PCBD1: variants seen among roughly 807,000 people sequenced by gnomAD.
PCBD1 encodes the protein pterin-4 alpha-carbinolamine dehydratase 1.
In PCBD1, 16 loss-of-function variants were observed where a neutral mutation model predicts 12.6. That is an observed-to-expected ratio of 1.27 (90% CI 0.86 to 1.93). PCBD1 has a LOEUF of 1.93. Ranked by LOEUF, PCBD1 falls within the 30% of genes most tolerant of loss-of-function variation. The pLI, the probability that PCBD1 is intolerant of heterozygous loss-of-function variation, is 0.00. For synonymous variants in PCBD1, 53 were observed against 50.2 expected, an observed-to-expected ratio of 1.05 and a Z score of -0.23; for missense variants, 86 against 130.1, an observed-to-expected ratio of 0.66 and a Z score of 1.65.
At chr10:70,886,802 T>C (rs566025770) in intron 1 of PCBD1, among the ~76,000 whole-genome samples, 34 of 152,200 alleles carry the variant, frequency 2.2e-4, no homozygotes, top group Non-Finnish European at 5.0e-4. Context: ...ATGTGCGAAG[T>C]GCCCTCAAGG....
intron 1 of PCBD1, among the ~76,000 whole-genome samples, chr10:70,887,498 G>A (rs1254676660): frequency 1.3e-5 from 2 of 152,056 alleles, no homozygotes; most frequent in African/African-American, 4.8e-5. Context: ...CGCCTGGTCC[G>A]TGTATCTAGA....
Position 70,884,539 on chromosome 10 carries a change from T to C in PCBD1, c.217-491A>G, listed in dbSNP as rs574606847. The stretch of plus-strand genomic sequence containing the variant: ...CTCTGTCTCCCAGGCTGGAGTGCAG[T>C]GGCTCAATCTCTGCTCACTGCAAGC... On this transcript the variant is annotated intron_variant, in intron 3 of 3. Coordinates refer to ENST00000299299, the MANE Select transcript of PCBD1 (RefSeq NM_000281.4). 2.1e-5 allele frequency among the ~76,000 whole-genome samples: 3 copies of C among 139,912 alleles called. No individual in the cohort carries two copies. The South Asian group carries it at 6.9e-4, about 32-fold the overall frequency. The allele number at this position is 139,912 out of a possible 152,430, so 91.8% of individuals were successfully genotyped here. A position where few individuals can be genotyped will look rare whatever the true frequency, so the allele number is the denominator to read the frequency against.
In PCBD1 at chr10:70,884,006, C is replaced by G; in HGVS notation, c.259G>C (p.Glu87Gln). Residue 87 changes from glutamate to glutamine, a missense_variant, in exon 4 of 4, where the codon GAA becomes CAA. Coordinates refer to ENST00000299299, the MANE Select transcript of PCBD1 (RefSeq NM_000281.4). The part of the protein sequence containing the change: ...LSTHECAGLS[E>Q]RDINLASFIE... ...AAGCTGGCCAGGTTTATGTCCCGTT[C>G]TGAAAGGCCGGCACACTCATGGGTG... 1.9e-6 allele frequency: 3 copies of G among 1,614,126 alleles called. No individual in the cohort carries two copies. Among genetic ancestry groups the G allele is most frequent in the Non-Finnish European group, 2.5e-6 (3 of 1,180,008 alleles).
At chr10:70,882,492 A>C (rs115341023), downstream of PCBD1, 95 of 152,230 alleles carry the variant, frequency 6.2e-4, no homozygotes, top group African/African-American at 2.2e-3. Context: ...AGACCTAAGG[A>C]GAGTGGATGT....
At chr10:70,886,021 C>T in intron 1 of PCBD1, 92 bp from the exon 2 acceptor site, 2 of 1,530,702 alleles carry the variant, frequency 1.3e-6, no homozygotes, top group Admixed American at 1.8e-5. Context: ...TTAGCTTCCA[C>T]TGGCTGCTTT....
Position 70,883,869 on chromosome 10 carries a change from T to G in PCBD1, c.*81A>C, listed in dbSNP as rs916502796. 4 of 1,551,262 alleles carry G rather than the reference T, an allele frequency of 2.6e-6. No homozygotes were observed. The stretch of plus-strand genomic sequence containing the variant: ...TCTTGGGAGGGGAGTGGTGGGAGGG[T>G]AAGGGCTCCTCAGCTCCCTCCCTGG... On this transcript the variant is annotated 3_prime_UTR_variant, in exon 4 of 4. Coordinates refer to ENST00000299299, the MANE Select transcript of PCBD1 (RefSeq NM_000281.4).
rs770900704 is a variant in PCBD1 at position 70,885,977 on chromosome 10, G to T, written c.4-48C>A. 3.7e-6 allele frequency: 6 copies of T among 1,605,728 alleles called. No homozygotes were observed. In the South Asian group the frequency reaches 4.4e-5, roughly 12 times the overall value. ...GGCCCAAGGGCATTTCTCTTTATAG[G>T]TCAAAACAGAGGGGCTCCAACCTTT... On this transcript the variant is annotated intron_variant, in intron 1 of 3. Transcript: ENST00000299299.
At chr10:70,883,088 G>C (rs1846523982), downstream of PCBD1, among the ~76,000 whole-genome samples, 1 of 152,070 alleles carries the variant, frequency 6.6e-6, no homozygotes, top group Non-Finnish European at 1.5e-5. Context: ...TATAATACCT[G>C]TGCCCTTCAC....
rs1413245787 is a variant in PCBD1 at position 70,883,995 on chromosome 10, T to C, written c.270A>G (p.Ile90Met). ...CTTGTTCGATGAAGCTGGCCAGGTT[T>C]ATGTCCCGTTCTGAAAGGCCGGCAC... ...HECAGLSERD[I>M]NLASFIEQVA... is the part of the protein sequence containing the mutation. Residue 90 changes from isoleucine to methionine, a missense_variant, in exon 4 of 4, where the codon ATA (isoleucine) becomes ATG (methionine). Coordinates refer to ENST00000299299, the MANE Select transcript of PCBD1 (RefSeq NM_000281.4). 1.2e-6 allele frequency: 2 copies of C among 1,614,014 alleles called. No homozygotes were observed. Among genetic ancestry groups the C allele is most frequent in the Non-Finnish European group, 1.7e-6 (2 of 1,180,020 alleles).
downstream of PCBD1, among the ~76,000 whole-genome samples, chr10:70,882,642 G>A (rs934630780): frequency 2.0e-5 from 3 of 152,130 alleles, no homozygotes; most frequent in Non-Finnish European, 4.4e-5. Flanking sequence ...GGTTGAATGA[G>A]GCCACCCATG....
At chr10:70,885,022 G>T (rs1002061003) in intron 3 of PCBD1, 130 bp downstream of exon 3, 1 of 779,006 alleles carries the variant, frequency 1.3e-6, no homozygotes, top group Non-Finnish European at 2.3e-6. Flanking sequence ...AGTGAGATTG[G>T]AAATGAGATG....
Position 70,883,809 on chromosome 10 carries a change from C to T in PCBD1, c.*141G>A, listed in dbSNP as rs1372672721. On this transcript the variant is annotated 3_prime_UTR_variant, in exon 4 of 4. Coordinates refer to ENST00000299299, the MANE Select transcript of PCBD1 (RefSeq NM_000281.4). ...TTGGTGGGGACACTGGCACATCCCACAGCAAGGACTCAGCCCTCAACGGCG... is the reference window on the plus strand; with the variant it reads ...TTGGTGGGGACACTGGCACATCCCATAGCAAGGACTCAGCCCTCAACGGCG... 1.3e-6 allele frequency: 2 copies of T among 1,525,370 alleles called. No individual in the cohort carries two copies. The highest frequency in any genetic ancestry group is 1.8e-6 in the Non-Finnish European group (2 of 1,136,818). The allele number at this position is 1,525,370 out of a possible 1,614,324, so 94.5% of individuals were successfully genotyped here. A position where few individuals can be genotyped will look rare whatever the true frequency, so the allele number is the denominator to read the frequency against.
chr10:70,884,050 T>G lies in PCBD1; in HGVS notation c.217-2A>C. ...ATGGGTGCTCAGCGTGATGTGGACC[T>G]GAAATGAAACCAGAAATTCTGCTTC... On this transcript the variant is annotated splice_acceptor_variant, in intron 3 of 3. Coordinates refer to ENST00000299299, the MANE Select transcript of PCBD1 (RefSeq NM_000281.4). LOFTEE classifies it high-confidence loss of function. 1 of 1,613,630 alleles carries G rather than the reference T, an allele frequency of 6.2e-7. No individual in the cohort carries two copies. The highest frequency in any genetic ancestry group is 8.5e-7 in the Non-Finnish European group (1 of 1,179,846).
intron 1 of PCBD1, 79 bp downstream of exon 1, chr10:70,888,452 C>T (rs1172904304): frequency 1.5e-5 from 22 of 1,432,032 alleles, no homozygotes; most frequent in Non-Finnish European, 1.7e-5. Context: ...GACTTTCCCC[C>T]GCCCCTTCCC....
At chr10:70,886,770 A>T (rs552922823) in intron 1 of PCBD1, among the ~76,000 whole-genome samples, 1 of 152,350 alleles carries the variant, frequency 6.6e-6, no homozygotes, top group South Asian at 2.1e-4. Context: ...TGGCAAACCT[A>T]GTGCCCCATC....
Position 70,885,137 on chromosome 10 carries a change from C to T in PCBD1, c.216+15G>A, listed in dbSNP as rs752950868. The T allele has an allele frequency of 4.4e-6, 7 of 1,607,770 alleles. No individual in the cohort carries two copies. In the Admixed American group the frequency reaches 8.3e-5, roughly 19 times the overall value. ...ATGGGGGCAGAGCACAACAGAGGCACACAGCATCACTCACCTTGTTGTACA... is the reference window on the plus strand; with the variant it reads ...ATGGGGGCAGAGCACAACAGAGGCATACAGCATCACTCACCTTGTTGTACA... On this transcript the variant is annotated intron_variant, in intron 3 of 3. Coordinates refer to ENST00000299299, the MANE Select transcript of PCBD1 (RefSeq NM_000281.4).
intron 1 of PCBD1, among the ~76,000 whole-genome samples, chr10:70,886,986 C>T (rs1373397239): frequency 6.6e-6 from 1 of 152,112 alleles, no homozygotes; most frequent in Non-Finnish European, 1.5e-5. Flanking sequence ...TGAAAAGATA[C>T]CCTTAGGGGT....
rs104894172 is a variant in PCBD1, at chr10:70,884,006, C to A, written c.259G>T (p.Glu87Ter). ...LSTHECAGLS[E>*]RDINLASFIE... is the part of the protein sequence containing the mutation. ...AAGCTGGCCAGGTTTATGTCCCGTT[C>A]TGAAAGGCCGGCACACTCATGGGTG... Residue 87 changes from glutamate (E) to a stop codon, truncating the protein, a stop_gained, in exon 4 of 4, where the codon GAA (glutamate) becomes TAA (stop). Transcript: ENST00000299299. LOFTEE classifies it high-confidence loss of function. The A allele has an allele frequency of 4.6e-5, 74 of 1,614,008 alleles. No homozygotes were observed. Among genetic ancestry groups the A allele is most frequent in the Admixed American group, 1.0e-4 (6 of 60,012 alleles).
chr10:70,887,488 C>G (rs1470910481), intron 1 of PCBD1, among the ~76,000 whole-genome samples: 1 of 152,260 alleles, frequency 6.6e-6, no homozygotes, highest in South Asian at 2.1e-4. Context: ...CGTGGCTGAC[C>G]GCCTGGTCCG....
Sources: gnomAD v4.1 joint callset for allele counts (sites outside exome capture counted in the v4.1 genomes callset) on GRCh38, gnomAD v4.1.1 for gene constraint, MANE v1.5 for transcripts, NCBI Gene and HGNC (gene_info 2026-07-23, HGNC 2026-07-21) for gene names.